Variants in GRXCR1 observed in about 807,000 individuals in gnomAD.
The protein encoded by GRXCR1 is glutaredoxin and cysteine rich domain containing 1.
Under a neutral mutation model 27.3 loss-of-function variants are expected in GRXCR1, and 27 were observed. The observed-to-expected ratio is 0.99, with a 90% CI of 0.73 to 1.37. The LOEUF is 1.37. Ranked by LOEUF, GRXCR1 falls within the 40% of genes most tolerant of loss-of-function variation. The probability of loss-of-function intolerance (pLI) is 0.00; values close to 1 mark genes in which losing one functional copy is unlikely to be tolerated. For synonymous variants in GRXCR1, 122 were observed against 131.1 expected (o/e 0.93, Z 0.47); for missense variants, 379 against 354.4 (o/e 1.07, Z -0.56).
At chr4:42,909,053 G>A (rs1409014190) in intron 1 of GRXCR1, among the ~76,000 whole-genome samples, 1 of 152,194 alleles carries the variant, frequency 6.6e-6, no homozygotes, top group African/African-American at 2.4e-5. Flanking sequence ...ATGCGGGGAT[G>A]CCCCAGTGGT....
At chr4:43,024,470 A>G (rs578108876) in intron 3 of GRXCR1, among the ~76,000 whole-genome samples, 1 of 150,948 alleles carries the variant, frequency 6.6e-6, no homozygotes, top group South Asian at 2.1e-4. Context: ...CATAGAAACC[A>G]CCTATAGATT....
intron 2 of GRXCR1, among the ~76,000 whole-genome samples, chr4:43,005,907 T>C (rs1297912045): frequency 6.6e-6 from 1 of 152,190 alleles, no homozygotes; most frequent in Non-Finnish European, 1.5e-5. Flanking sequence ...ATTAAATATT[T>C]TGTTGTCATG....
chr4:42,919,004 C>A (rs1201004533), intron 1 of GRXCR1, among the ~76,000 whole-genome samples: 1 of 152,070 alleles, frequency 6.6e-6, no homozygotes, highest in East Asian at 1.9e-4. Flanking sequence ...ATCAGAATAA[C>A]CTCTTCTTCT....
rs74593033 is a variant in GRXCR1 at position 42,908,268 on chromosome 4, G to A, written c.384+14618G>A. ...CCTGCCTGACCTTGTGAGTATGACG[G>A]TATACATGTTATGGTACTGACAGGT... On this transcript the variant is annotated intron_variant, in intron 1 of 3. Coordinates refer to ENST00000399770, the MANE Select transcript of GRXCR1 (RefSeq NM_001080476.3). Among the ~76,000 whole-genome samples, 1,418 of 152,240 alleles carry A rather than the reference G, an allele frequency of 9.3e-3. 11 individuals carry two copies. Among genetic ancestry groups the A allele is most frequent in the Non-Finnish European group, 0.013 (890 of 68,012 alleles).
chr4:42,898,441 A>G (rs1262743470), intron 1 of GRXCR1, among the ~76,000 whole-genome samples: 1 of 139,584 alleles, frequency 7.2e-6, no homozygotes, highest in Non-Finnish European at 1.7e-5. Flanking sequence ...GTGGTTCACT[A>G]TCTCAGGATG....
At chr4:42,919,292 T>C (rs1746955019) in intron 1 of GRXCR1, among the ~76,000 whole-genome samples, 1 of 151,994 alleles carries the variant, frequency 6.6e-6, no homozygotes. Flanking sequence ...TGACCAGGGG[T>C]TCTTGTTAGT....
At chr4:42,899,358 G>A (rs781388354) in intron 1 of GRXCR1, among the ~76,000 whole-genome samples, 80 of 152,070 alleles carry the variant, frequency 5.3e-4, no homozygotes, top group Non-Finnish European at 1.6e-4. Context: ...CCCAATTCCT[G>A]CCTTCATGGA....
chr4:43,021,015 T>C (rs1420866990), intron 3 of GRXCR1, among the ~76,000 whole-genome samples: 1 of 152,206 alleles, frequency 6.6e-6, no homozygotes, highest in Non-Finnish European at 1.5e-5. Flanking sequence ...AATGGGACAC[T>C]TTGAGAGTAA....
intron 2 of GRXCR1, among the ~76,000 whole-genome samples, chr4:42,981,714 A>G (rs1453771680): frequency 6.6e-6 from 1 of 152,056 alleles, no homozygotes; most frequent in Non-Finnish European, 1.5e-5. Context: ...CTTGGTTGAC[A>G]GTTTTATTTT....
At chr4:43,000,875 C>T (rs1712334287) in intron 2 of GRXCR1, among the ~76,000 whole-genome samples, 1 of 151,948 alleles carries the variant, frequency 6.6e-6, no homozygotes, top group Non-Finnish European at 1.5e-5. Context: ...TAGCCGTATA[C>T]TTGGACTGTA....
intron 1 of GRXCR1, among the ~76,000 whole-genome samples, chr4:42,912,334 A>T (rs1746740231): frequency 6.6e-6 from 1 of 152,170 alleles, no homozygotes; most frequent in Non-Finnish European, 1.5e-5. Context: ...ATTGAAAAGG[A>T]CCTGAAGATA....
At chr4:42,932,097 G>A (rs1024635943) in intron 1 of GRXCR1, among the ~76,000 whole-genome samples, 1 of 152,048 alleles carries the variant, frequency 6.6e-6, no homozygotes, top group Non-Finnish European at 1.5e-5. Context: ...TGTGGGAATT[G>A]TGGGAGCTAC....
At chr4:42,902,800 A>T (rs1746490635) in intron 1 of GRXCR1, among the ~76,000 whole-genome samples, 1 of 152,206 alleles carries the variant, frequency 6.6e-6, no homozygotes, top group South Asian at 2.1e-4. Context: ...TTACCTATGC[A>T]GCAAACCTGC....
At chr4:42,897,923 A>G (rs1746384616) in intron 1 of GRXCR1, among the ~76,000 whole-genome samples, 2 of 26,944 alleles carry the variant, frequency 7.4e-5, no homozygotes, top group Non-Finnish European at 2.4e-4. Flanking sequence ...AGTTATTACT[A>G]TTATTATTAT....
intron 2 of GRXCR1, among the ~76,000 whole-genome samples, chr4:42,987,832 A>C (rs1711829991): frequency 6.6e-6 from 1 of 152,190 alleles, no homozygotes; most frequent in South Asian, 2.1e-4. Flanking sequence ...ACAAAACGTC[A>C]GAGACTAGGG....
At chr4:42,932,248 T>C (rs1469000716) in intron 1 of GRXCR1, among the ~76,000 whole-genome samples, 2 of 151,826 alleles carry the variant, frequency 1.3e-5, no homozygotes, top group Admixed American at 1.3e-4. Context: ...GATGTATGCA[T>C]TACAGTCCTC....
At chr4:42,935,923 C>T (rs528212190) in intron 1 of GRXCR1, among the ~76,000 whole-genome samples, 1 of 151,854 alleles carries the variant, frequency 6.6e-6, no homozygotes, top group Non-Finnish European at 1.5e-5. Context: ...CTAAATAACA[C>T]TGCTTTTTAA....
At chr4:42,968,898 G>A (rs1748313577) in intron 2 of GRXCR1, among the ~76,000 whole-genome samples, 1 of 151,952 alleles carries the variant, frequency 6.6e-6, no homozygotes, top group African/African-American at 2.4e-5. Flanking sequence ...AAAAAATAAG[G>A]TATTTCTTAG....
At chr4:42,978,859 T>A (rs1263357140) in intron 2 of GRXCR1, among the ~76,000 whole-genome samples, 1 of 152,038 alleles carries the variant, frequency 6.6e-6, no homozygotes, top group Non-Finnish European at 1.5e-5. Context: ...TGGAGGTAAT[T>A]TAATCATGGG....
Sources: allele counts gnomAD v4.1 joint callset (sites outside exome capture counted in the v4.1 genomes callset), GRCh38; gene constraint gnomAD v4.1.1; transcripts MANE v1.5; gene names NCBI Gene and HGNC (gene_info 2026-07-23, HGNC 2026-07-21).